Variants in GRIK2 observed in about 807,000 individuals in gnomAD.
The protein encoded by GRIK2 is glutamate ionotropic receptor kainate type subunit 2.
In GRIK2, 32 loss-of-function variants were observed where a neutral mutation model predicts 100.3. That is an observed-to-expected ratio of 0.32 (90% CI 0.24 to 0.43). The LOEUF (loss-of-function observed/expected upper bound fraction) is 0.43, where lower values mean the gene tolerates loss of function less well. Among genes scored for constraint, GRIK2 ranks in the 20% least tolerant of loss-of-function variants. GRIK2 has a pLI of 1.00. For missense variants in GRIK2, 843 were observed against 1,114.9 expected (o/e 0.76, Z 3.47); for synonymous variants, 417 against 389.4 (o/e 1.07, Z -0.83).
chr6:102,003,339 C>T (rs1436779090), intron 14 of GRIK2, among the ~76,000 whole-genome samples: 1 of 151,630 alleles, frequency 6.6e-6, no homozygotes, highest in African/African-American at 2.4e-5. Flanking sequence ...TATACACGCA[C>T]TCATGCTTAT....
At chr6:101,700,546 A>G (rs1392676075) in intron 7 of GRIK2, among the ~76,000 whole-genome samples, 13 of 152,116 alleles carry the variant, frequency 8.5e-5, no homozygotes, top group African/African-American at 3.1e-4. Flanking sequence ...TTATATAAAG[A>G]TATGTTTGCC....
At chr6:102,065,914 T>A (rs1386760768) in intron 16 of GRIK2, 2 of 1,416,020 alleles carry the variant, frequency 1.4e-6, no homozygotes, top group Non-Finnish European at 1.9e-6. Flanking sequence ...ATGTTCTTAA[T>A]AAGTACATCT....
At chr6:101,543,465 A>T (rs146793132) in intron 2 of GRIK2, among the ~76,000 whole-genome samples, 344 of 152,352 alleles carry the variant, frequency 2.3e-3, no homozygotes, top group Admixed American at 3.6e-3. Flanking sequence ...TTCATACATG[A>T]TCTGAACAAT....
At chr6:101,444,990 C>A (rs1296036080) in intron 2 of GRIK2, among the ~76,000 whole-genome samples, 2 of 151,984 alleles carry the variant, frequency 1.3e-5, no homozygotes, top group African/African-American at 4.8e-5. Flanking sequence ...TTTTCTCAGA[C>A]ATTTCTTCTT....
At chr6:101,497,998 C>T (rs1773538212) in intron 2 of GRIK2, among the ~76,000 whole-genome samples, 1 of 146,848 alleles carries the variant, frequency 6.8e-6, no homozygotes, top group Non-Finnish European at 1.5e-5. Flanking sequence ...GGTATATCTC[C>T]TAATACTATC....
In GRIK2 at chr6:101,761,686, T is replaced by A. The variant is rs184224326; in HGVS notation, c.952-37962T>A. ...AAACTCAGACTGAAAGCTTTTCTGG[T>A]CACGATTTTTCAAGGTTATACTTTT... On this transcript the variant is annotated intron_variant, in intron 7 of 16. Transcript: ENST00000369134. Among the ~76,000 whole-genome samples the A allele has an allele frequency of 7.9e-5, 12 of 152,246 alleles. No homozygotes were observed. The East Asian group carries it at 2.1e-3, about 27-fold the overall frequency.
intron 2 of GRIK2, among the ~76,000 whole-genome samples, chr6:101,570,883 T>C (rs911032537): frequency 1.1e-4 from 16 of 152,164 alleles, no homozygotes; most frequent in Non-Finnish European, 1.9e-4. Flanking sequence ...CTTATTAACT[T>C]TTCCGTGAAA....
chr6:101,440,314 T>C (rs1405865935), intron 2 of GRIK2, among the ~76,000 whole-genome samples: 3 of 152,146 alleles, frequency 2.0e-5, no homozygotes, highest in Admixed American at 6.5e-5. Context: ...TAACAAAAAC[T>C]GGACAGAAAA....
intron 7 of GRIK2, among the ~76,000 whole-genome samples, chr6:101,778,355 A>G (rs1778876633): frequency 6.6e-6 from 1 of 152,170 alleles, no homozygotes; most frequent in South Asian, 2.1e-4. Context: ...ATGAGAGTAA[A>G]ATGTACACAT....
chr6:101,430,816 C>A lies in GRIK2; in HGVS notation c.115+31424C>A. 1.1e-5 allele frequency: 3 copies of A among 261,254 alleles called. No homozygotes were observed. In the South Asian group the frequency reaches 1.8e-4, roughly 15 times the overall value. The allele number at this position is 261,254 out of a possible 1,614,324, so 16.2% of individuals were successfully genotyped here. A position where few individuals can be genotyped will look rare whatever the true frequency, so the allele number is the denominator to read the frequency against. ...GATGCCATGGTGGCCATCACCTGCT[C>A]AAAGTCTAGGGCAGCATAGCACAGC... On this transcript the variant is annotated intron_variant, in intron 2 of 16. Coordinates refer to ENST00000369134, the MANE Select transcript of GRIK2 (RefSeq NM_021956.5).
intron 15 of GRIK2, among the ~76,000 whole-genome samples, chr6:102,042,218 C>A (rs993450454): frequency 4.0e-5 from 6 of 151,476 alleles, no homozygotes; most frequent in Non-Finnish European, 8.9e-5. Flanking sequence ...AGTAAACAAT[C>A]TTTTTAGTAA....
intron 14 of GRIK2, among the ~76,000 whole-genome samples, chr6:101,958,253 T>TTCTGTGTGTGTGTGTGTGTGTG (rs150156844): frequency 1.2e-3 from 165 of 139,530 alleles, no homozygotes; most frequent in African/African-American, 4.2e-3. Context: ...TGCTACATAT[T>TTCTGTGTGTGTGTGTGTGTGTG]TGTGTGTGTG....
intron 2 of GRIK2, among the ~76,000 whole-genome samples, chr6:101,414,942 G>GTGTGTGTGTGTGTGTGTGTGTA (rs1776051888): frequency 1.7e-5 from 1 of 59,880 alleles, no homozygotes; most frequent in Non-Finnish European, 3.5e-5. Context: ...TTTTAAACTT[G>GTGTGTGTGTGTGTGTGTGTGTA]TGTGTGTGTG....
chr6:101,586,103 G>A (rs991739918), intron 2 of GRIK2, among the ~76,000 whole-genome samples: 4 of 151,934 alleles, frequency 2.6e-5, no homozygotes, highest in African/African-American at 7.2e-5. Flanking sequence ...GAAGCTGGGC[G>A]CCTACACCTA....
At chr6:101,930,772 G>C (rs1790218195) in intron 14 of GRIK2, among the ~76,000 whole-genome samples, 1 of 150,904 alleles carries the variant, frequency 6.6e-6, no homozygotes, top group Admixed American at 6.6e-5. Flanking sequence ...TTTCTGCTAT[G>C]CAATTTTTGC....
intron 4 of GRIK2, among the ~76,000 whole-genome samples, chr6:101,626,954 G>A (rs1780468585): frequency 6.6e-6 from 1 of 151,306 alleles, no homozygotes; most frequent in African/African-American, 2.4e-5. Context: ...ACACACACAC[G>A]TACACATACA....
chr6:101,906,558 C>A (rs780421240), intron 12 of GRIK2, among the ~76,000 whole-genome samples: 36 of 151,528 alleles, frequency 2.4e-4, no homozygotes, highest in Admixed American at 4.0e-4. Context: ...GACAAATGTA[C>A]ATGGGAAGGC....
At chr6:101,802,531 T>G in intron 9 of GRIK2, 93 bp downstream of exon 9, 1 of 468,972 alleles carries the variant, frequency 2.1e-6, no homozygotes, top group African/African-American at 2.0e-5. Flanking sequence ...TCATTGACAT[T>G]TAACTTTATT....
intron 2 of GRIK2, among the ~76,000 whole-genome samples, chr6:101,554,250 G>C (rs900265460): frequency 6.6e-6 from 1 of 152,148 alleles, no homozygotes; most frequent in Admixed American, 6.5e-5. Flanking sequence ...GACACAAAGG[G>C]ACAGAGCTGC....
Sources: gnomAD v4.1 joint callset for allele counts (sites outside exome capture counted in the v4.1 genomes callset) on GRCh38, gnomAD v4.1.1 for gene constraint, MANE v1.5 for transcripts, NCBI Gene and HGNC (gene_info 2026-07-23, HGNC 2026-07-21) for gene names.